Variants in PIK3CB observed in about 807,000 individuals in gnomAD.
PIK3CB encodes phosphatidylinositol 4,5-bisphosphate 3-kinase catalytic subunit beta isoform.
Under a neutral mutation model 136.8 loss-of-function variants are expected in PIK3CB, and 39 were observed. The ratio of observed to expected loss-of-function variants is 0.29; its 90% CI spans 0.22 to 0.37. PIK3CB has a LOEUF of 0.37. Ranked by LOEUF, PIK3CB falls within the 10% of genes least tolerant of loss-of-function variation. The probability of loss-of-function intolerance (pLI) is 1.00; values close to 1 mark genes in which losing one functional copy is unlikely to be tolerated. For synonymous variants in PIK3CB, 428 were observed against 436.6 expected, an observed-to-expected ratio of 0.98 and a Z score of 0.25; for missense variants, 868 against 1,275.4, an observed-to-expected ratio of 0.68 and a Z score of 4.87.
chr3:138,696,691 G>A (rs1268103787), intron 13 of PIK3CB, among the ~76,000 whole-genome samples: 1 of 152,092 alleles, frequency 6.6e-6, no homozygotes, highest in African/African-American at 2.4e-5. Flanking sequence ...AAAACAGGTT[G>A]AGAAATACTG....
intron 2 of PIK3CB, among the ~76,000 whole-genome samples, chr3:138,761,006 A>G (rs2045655776): frequency 6.6e-6 from 1 of 152,262 alleles, no homozygotes; most frequent in South Asian, 2.1e-4. Flanking sequence ...AGTGCTAATG[A>G]ACTAACAGAT....
At position 138,802,663 on chromosome 3, in the gene PIK3CB, T is replaced by C. The variant is rs182428835; in HGVS notation, c.-121-6096A>G. Among the ~76,000 whole-genome samples, 97 of 152,292 alleles carry C rather than the reference T, an allele frequency of 6.4e-4. 1 individual carries two copies. The highest frequency in any genetic ancestry group is 2.2e-3 in the African/African-American group (93 of 41,582). On this transcript the variant is annotated intron_variant, in intron 1 of 23. Transcript: ENST00000674063. ...CCCCATACTGTATTTTGAGTACCAA[T>C]CCTGCTCTATTCTGTGGTCCACAAT...
chr3:138,689,001 A>C (rs2043953840), intron 15 of PIK3CB, 27 bp from the exon 16 acceptor site: 2 of 1,391,468 alleles, frequency 1.4e-6, no homozygotes, highest in African/African-American at 2.8e-5. Context: ...ATATCTGAAC[A>C]GTTTGTTTAT....
chr3:138,703,353 G>T (rs1394211040), intron 12 of PIK3CB, among the ~76,000 whole-genome samples: 1 of 152,158 alleles, frequency 6.6e-6, no homozygotes, highest in Non-Finnish European at 1.5e-5. Flanking sequence ...TTGATTCTGT[G>T]AGAATGGGAA....
chr3:138,729,624 T>C (rs922233964), intron 8 of PIK3CB, among the ~76,000 whole-genome samples: 1 of 152,078 alleles, frequency 6.6e-6, no homozygotes. Flanking sequence ...AACTGAAACA[T>C]TGGCTCTTCC....
chr3:138,813,430 ATTTTTTTTT>A (rs770922735), intron 1 of PIK3CB, among the ~76,000 whole-genome samples: 1 of 133,206 alleles, frequency 7.5e-6, no homozygotes, highest in Non-Finnish European at 1.6e-5. Flanking sequence ...GGCCTACTCT[ATTTTTTTTT>A]TTTTTTTTTT....
rs1168687622 is a variant in PIK3CB, at chr3:138,737,751, T to C, written c.757A>G (p.Arg253Gly). The C allele has an allele frequency of 6.2e-7, 1 of 1,611,220 alleles. No homozygotes were observed. Among genetic ancestry groups the C allele is most frequent in the Admixed American group, 1.7e-5 (1 of 59,582 alleles). ...TGATCACCAAAAACATATTCTACTC[T>C]CCCGCTGACTTGCAACACATAATCA... ...PYDYVLQVSGRVEYVFGDHPL... is the reference protein window; with the variant it reads ...PYDYVLQVSGGVEYVFGDHPL... Residue 253 changes from arginine to glycine, a missense_variant, in exon 6 of 24, where the codon AGA (arginine) becomes GGA (glycine). Transcript: ENST00000674063.
intron 1 of PIK3CB, among the ~76,000 whole-genome samples, chr3:138,829,689 A>C (rs1933938909): frequency 6.6e-6 from 1 of 152,118 alleles, no homozygotes; most frequent in South Asian, 2.1e-4. Context: ...TCGGAGGCTA[A>C]AACAGGAGAA....
chr3:138,742,018 T>C (rs995697964), intron 5 of PIK3CB, among the ~76,000 whole-genome samples: 1 of 152,164 alleles, frequency 6.6e-6, no homozygotes, highest in Non-Finnish European at 1.5e-5. Context: ...TTAATTCACA[T>C]AGTCACAGAA....
chr3:138,694,648 AG>A, intron 14 of PIK3CB, 137 bp downstream of exon 14: 1 of 833,000 alleles, frequency 1.2e-6, no homozygotes, highest in Non-Finnish European at 1.8e-6. Flanking sequence ...GGGAGCTGGC[AG>A]GAGTACATGA....
intron 11 of PIK3CB, among the ~76,000 whole-genome samples, chr3:138,706,709 GTGCA>G (rs2044384843): frequency 6.6e-6 from 1 of 152,286 alleles, no homozygotes; most frequent in Admixed American, 6.5e-5. Flanking sequence ...CCAGGCTGGA[GTGCA>G]ATGGCACGAT....
Position 138,654,919 on chromosome 3 carries a change from A to G in PIK3CB, c.*470T>C. The stretch of plus-strand genomic sequence containing the variant: ...AAATTCAAATTATATTATAATTTGC[A>G]GTTTACACAATTTTAAAAGGGAAGA... On this transcript the variant is annotated 3_prime_UTR_variant, in exon 24 of 24. Coordinates refer to ENST00000674063, the MANE Select transcript of PIK3CB (RefSeq NM_006219.3). The G allele has an allele frequency of 4.7e-6, 1 of 214,290 alleles. No individual in the cohort carries two copies. Among genetic ancestry groups the G allele is most frequent in the Non-Finnish European group, 9.4e-6 (1 of 106,296 alleles). 13.3% of individuals were successfully genotyped at this position (214,290 alleles called of 1,614,324 possible).
chr3:138,726,621 G>A (rs947095452), intron 8 of PIK3CB, among the ~76,000 whole-genome samples: 1 of 152,296 alleles, frequency 6.6e-6, no homozygotes, highest in South Asian at 2.1e-4. Flanking sequence ...TTCTCTGAGA[G>A]TTAGAAGACC....
chr3:138,813,120 G>GA (rs149875376), intron 1 of PIK3CB, among the ~76,000 whole-genome samples: 5 of 151,572 alleles, frequency 3.3e-5, no homozygotes, highest in Admixed American at 2.0e-4. Flanking sequence ...CTCAAAATAA[G>GA]AAAAAAAAAT....
intron 1 of PIK3CB, chr3:138,826,337 C>T (rs1933779892): frequency 1.3e-6 from 2 of 1,595,974 alleles, no homozygotes; most frequent in Non-Finnish European, 1.7e-6. Context: ...TGAATATTAT[C>T]CCTAATACCT....
intron 2 of PIK3CB, among the ~76,000 whole-genome samples, chr3:138,772,841 G>A (rs1446927323): frequency 2.1e-5 from 3 of 144,902 alleles, no homozygotes; most frequent in South Asian, 2.2e-4. Flanking sequence ...GCTAGAATGC[G>A]GTGGTGTGAT....
chr3:138,822,644 C>T (rs1013018616), intron 1 of PIK3CB, among the ~76,000 whole-genome samples: 10 of 151,654 alleles, frequency 6.6e-5, no homozygotes, highest in South Asian at 2.1e-4. Context: ...GAGTTCGAGA[C>T]GAGCCTGGCC....
intron 3 of PIK3CB, 121 bp downstream of exon 3, chr3:138,759,051 AC>A (rs2045624231): frequency 3.5e-6 from 2 of 564,308 alleles, no homozygotes; most frequent in Admixed American, 3.6e-5. Flanking sequence ...TTTCTTAATT[AC>A]CATCACTTCA....
chr3:138,737,466 C>T (rs17483934), intron 6 of PIK3CB, among the ~76,000 whole-genome samples: 2,543 of 134,550 alleles, frequency 0.019, 33 homozygotes, highest in Middle Eastern at 0.043. Context: ...TTTGTCTGTA[C>T]AATCATTATG....
Sources: gnomAD v4.1 joint callset for allele counts (sites outside exome capture counted in the v4.1 genomes callset) on GRCh38, gnomAD v4.1.1 for gene constraint, MANE v1.5 for transcripts, NCBI Gene and HGNC (gene_info 2026-07-23, HGNC 2026-07-21) for gene names.